COL18A1: variants seen among roughly 807,000 people sequenced by gnomAD.
COL18A1 encodes collagen alpha-1(XVIII) chain.
COL18A1 carries 133 observed loss-of-function variants against 168.0 expected under a neutral mutation model. The ratio of observed to expected loss-of-function variants is 0.79; its 90% CI spans 0.69 to 0.91. The LOEUF is 0.91. Among genes scored for constraint, COL18A1 ranks in the 40% least tolerant of loss-of-function variants. COL18A1 has a pLI of 0.00. For missense variants in COL18A1, 2,126 were observed against 1,925.4 expected, an observed-to-expected ratio of 1.10 and a Z score of -1.95; for synonymous variants, 949 against 809.0, an observed-to-expected ratio of 1.17 and a Z score of -2.94.
intron 2 of COL18A1, among the ~76,000 whole-genome samples, chr21:45,451,949 A>T (rs2034631619): frequency 6.6e-6 from 1 of 152,162 alleles, no homozygotes; most frequent in Admixed American, 6.5e-5. Flanking sequence ...TGCAGACCCC[A>T]AGGTCCCTCA....
chr21:45,487,641 G>T (rs1169936736), intron 17 of COL18A1, 132 bp downstream of exon 17: 1 of 1,193,364 alleles, frequency 8.4e-7, no homozygotes, highest in Admixed American at 1.7e-5. Context: ...AGGACCACGT[G>T]TGGCGGGCGC....
In COL18A1 at chr21:45,498,236, G is replaced by A. The variant is rs1388873907; in HGVS notation, c.2683+575G>A. On this transcript the variant is annotated intron_variant, in intron 32 of 41. Transcript: ENST00000651438. The surrounding 1 kb of genome is among the most constrained non-coding windows in gnomAD (Gnocchi z 4.5). ...AAAACCACTGTTTGAGGATGTCTGGGGGCTGGCAGAGCAGAAGCCCAGAGA... is the reference window on the plus strand; with the variant it reads ...AAAACCACTGTTTGAGGATGTCTGGAGGCTGGCAGAGCAGAAGCCCAGAGA... The A allele has an allele frequency of 1.4e-6, 1 of 703,886 alleles. No homozygotes were observed. Among genetic ancestry groups the A allele is most frequent in the South Asian group, 1.5e-5 (1 of 67,536 alleles). The allele number at this position is 703,886 out of a possible 1,614,324, so 43.6% of individuals were successfully genotyped here. A position where few individuals can be genotyped will look rare whatever the true frequency, so the allele number is the denominator to read the frequency against.
chr21:45,468,331 C>T lies in COL18A1; in HGVS notation c.196C>T (p.Leu66=). The change falls in exon 3 of 42, where the codon CTG becomes TTG. Residue 66 remains leucine (L), a synonymous_variant. Transcript: ENST00000651438. ...CCAGACGGATGACCCCGACGTCGGG[C>T]TGGCCTACGTCTTTGGGCCAGATGC... ...VTQTDDPDVG[L]AYVFGPDANS... The T allele has an allele frequency of 6.2e-7, 1 of 1,613,498 alleles. No individual in the cohort carries two copies.
intron 1 of COL18A1, 68 bp downstream of exon 1, chr21:45,405,309 C>G: frequency 1.8e-6 from 1 of 556,238 alleles, no homozygotes; most frequent in Non-Finnish European, 2.2e-6. Context: ...GCGGGGGTCG[C>G]GGGGCTCGGC....
Position 45,512,750 on chromosome 21 carries a change from C to T in COL18A1, c.*352C>T. The T allele has an allele frequency of 2.6e-6, 1 of 379,600 alleles. No homozygotes were observed. Among genetic ancestry groups the T allele is most frequent in the South Asian group, 2.3e-5 (1 of 43,496 alleles). 23.5% of individuals were successfully genotyped at this position (379,600 alleles called of 1,614,324 possible). On this transcript the variant is annotated 3_prime_UTR_variant, in exon 42 of 42. Transcript: ENST00000651438. The stretch of plus-strand genomic sequence containing the variant: ...CCTGCTTTGGGAAGCCGTGCTCGCC[C>T]CAGCAGGTGCTGACTTCATCTCCCA...
Position 45,512,441 on chromosome 21 carries a change from G to A in COL18A1, c.*43G>A, listed in dbSNP as rs1436464973. 2 of 1,583,990 alleles carry A rather than the reference G, an allele frequency of 1.3e-6. No homozygotes were observed. Among genetic ancestry groups the A allele is most frequent in the Non-Finnish European group, 1.7e-6 (2 of 1,165,160 alleles). On this transcript the variant is annotated 3_prime_UTR_variant, in exon 42 of 42. Transcript: ENST00000651438. Reference sequence around the variant, plus strand: ...ATGGCCGGAGAGGACCGGCGGCTCGGAGGAAGCCCCCACCGTGGGCAGGGA... The same window carrying A: ...ATGGCCGGAGAGGACCGGCGGCTCGAAGGAAGCCCCCACCGTGGGCAGGGA...
rs765971874 is a variant in COL18A1 at position 45,476,449 on chromosome 21, CGAG to C, written c.901_903del (p.Glu301del). The C allele has an allele frequency of 1.7e-5, 28 of 1,613,340 alleles. No individual in the cohort carries two copies. Among genetic ancestry groups the C allele is most frequent in the Middle Eastern group, 3.3e-4 (2 of 6,082 alleles). ...CGGAAGATTCCAGAAGTGAAGAAGT[CGAG>C]GAGCAGACCACGGTGGCTTCGTTAG... On this transcript the variant is annotated inframe_deletion, in exon 6 of 42. Coordinates refer to ENST00000651438, the MANE Select transcript of COL18A1 (RefSeq NM_001379500.1).
chr21:45,418,646 C>T (rs1259490331), intron 2 of COL18A1, among the ~76,000 whole-genome samples: 1 of 152,240 alleles, frequency 6.6e-6, no homozygotes, highest in African/African-American at 2.4e-5. Context: ...CACAGCCCGC[C>T]CTCCTTGGCT....
chr21:45,414,514 G>A (rs1461291963), intron 2 of COL18A1, among the ~76,000 whole-genome samples: 1 of 152,190 alleles, frequency 6.6e-6, no homozygotes, highest in African/African-American at 2.4e-5. Flanking sequence ...GTCATCACAG[G>A]GGACGTCTGG....
chr21:45,456,991 G>A (rs1473054973), intron 2 of COL18A1: 8 of 912,226 alleles, frequency 8.8e-6, no homozygotes, highest in African/African-American at 3.5e-5. Context: ...GAATCTCTAC[G>A]TTCAGGGGCC....
At chr21:45,442,063 G>T (rs765494766) in intron 2 of COL18A1, among the ~76,000 whole-genome samples, 1 of 152,194 alleles carries the variant, frequency 6.6e-6, no homozygotes, top group African/African-American at 2.4e-5. Flanking sequence ...CCTCATCCAC[G>T]CAGTCCTGCG....
chr21:45,454,334 C>T (rs1357526420), intron 2 of COL18A1, among the ~76,000 whole-genome samples: 2 of 152,148 alleles, frequency 1.3e-5, no homozygotes, highest in African/African-American at 4.8e-5. Flanking sequence ...TGTTTCGTCA[C>T]AGCTGCTGTC....
chr21:45,478,083 A>T, intron 8 of COL18A1, 118 bp downstream of exon 8: 1 of 744,722 alleles, frequency 1.3e-6, no homozygotes, highest in Non-Finnish European at 2.3e-6. Context: ...GCAGGTCAGC[A>T]GCCTCCTTAG....
At chr21:45,412,236 TC>T (rs1281333771) in intron 2 of COL18A1, among the ~76,000 whole-genome samples, 2,237 of 40,384 alleles carry the variant, frequency 0.055, 69 homozygotes, top group South Asian at 0.14. Flanking sequence ...GGGGTATATT[TC>T]TTTTTTTTTT....
chr21:45,449,940 C>G (rs1218294684), intron 2 of COL18A1, among the ~76,000 whole-genome samples: 1 of 152,214 alleles, frequency 6.6e-6, no homozygotes. Context: ...AATGCAGAGC[C>G]CAGGAAGCAC....
intron 2 of COL18A1, chr21:45,456,212 C>T (rs776343723): frequency 6.2e-6 from 10 of 1,607,156 alleles, no homozygotes; most frequent in Non-Finnish European, 8.5e-6. Flanking sequence ...GGGCGGGGCC[C>T]CTCCCTGGGG....
chr21:45,479,990 C>T, intron 10 of COL18A1, 26 bp downstream of exon 10: 1 of 1,613,754 alleles, frequency 6.2e-7, no homozygotes, highest in South Asian at 1.1e-5. Context: ...TGGGTGGGGC[C>T]CCTTCCTGTG....
At position 45,487,528 on chromosome 21, in the gene COL18A1, C is replaced by T. The variant is rs2236474; in HGVS notation, c.1896+19C>T. 7.6e-4 allele frequency: 1,226 copies of T among 1,612,084 alleles called. 21 individuals are homozygous for T. In the East Asian group the frequency reaches 0.023, roughly 30 times the overall value. On this transcript the variant is annotated intron_variant, in intron 17 of 41. Coordinates refer to ENST00000651438, the MANE Select transcript of COL18A1 (RefSeq NM_001379500.1). ...GCCACAGGTAGTGTTGTGAGCTGGG[C>T]GTGGCCGGCTCTGAGGGGTAAGGGG...
rs1264572426 is a variant in COL18A1 at position 45,423,194 on chromosome 21, C to T, written c.106+17721C>T. Among the ~76,000 whole-genome samples, 2 of 152,088 alleles carry T rather than the reference C, an allele frequency of 1.3e-5. No homozygotes were observed. The highest frequency in any genetic ancestry group is 4.8e-5 in the African/African-American group (2 of 41,398). On this transcript the variant is annotated intron_variant, in intron 2 of 41. Coordinates refer to ENST00000651438, the MANE Select transcript of COL18A1 (RefSeq NM_001379500.1). The surrounding 1 kb of genome is among the most constrained non-coding windows in gnomAD (Gnocchi z 4.0). ...CAAGCTTGGAAATGGTGTCCTGGAG[C>T]TTAAGGGAGTTGGAAACCATGGCTT...
Sources: gnomAD v4.1 joint callset for allele counts (sites outside exome capture counted in the v4.1 genomes callset) on GRCh38, gnomAD v4.1.1 for gene constraint, Gnocchi (gnomAD v3.1) non-coding constraint, MANE v1.5 for transcripts, NCBI Gene and HGNC (gene_info 2026-07-23, HGNC 2026-07-21) for gene names.